Variants in ZNF483 observed in about 807,000 individuals in gnomAD.
ZNF483 encodes the protein zinc finger protein HIT-10.
Under a neutral mutation model 28.6 loss-of-function variants are expected in ZNF483, and 9 were observed. That is an observed-to-expected ratio of 0.32 (90% CI 0.19 to 0.55). The LOEUF is 0.55. ZNF483 is among the 20% of genes least tolerant of loss of function. The probability of loss-of-function intolerance (pLI) is 0.93; values close to 1 mark genes in which losing one functional copy is unlikely to be tolerated. For synonymous variants in ZNF483, 322 were observed against 306.2 expected, an observed-to-expected ratio of 1.05 and a Z score of -0.54; for missense variants, 675 against 871.7, an observed-to-expected ratio of 0.77 and a Z score of 2.84.
At chr9:111,570,607 T>A (rs1396623292) in intron 5 of ZNF483, among the ~76,000 whole-genome samples, 2 of 149,306 alleles carry the variant, frequency 1.3e-5, no homozygotes, top group Admixed American at 6.7e-5. Context: ...CCGTCTCTTC[T>A]AAAAATTAAA....
intron 5 of ZNF483, chr9:111,563,500 T>A: frequency 3.7e-6 from 1 of 270,612 alleles, no homozygotes; most frequent in Non-Finnish European, 6.9e-6. Flanking sequence ...AAGCAATCTC[T>A]TTTTCTTTCT....
downstream of ZNF483, among the ~76,000 whole-genome samples, chr9:111,558,264 TATC>T (rs1385600097): frequency 6.6e-6 from 1 of 152,236 alleles, no homozygotes; most frequent in Non-Finnish European, 1.5e-5. Context: ...AATCTGTAAT[TATC>T]ATTATCTACA....
Position 111,576,322 on chromosome 9 carries a change from A to G in ZNF483, c.722-43A>G, listed in dbSNP as rs577995012. 2.1e-5 allele frequency: 34 copies of G among 1,604,658 alleles called. No homozygotes were observed. The African/African-American group carries it at 2.8e-4, about 13-fold the overall frequency. On this transcript the variant is annotated intron_variant, in intron 5 of 5. Coordinates refer to the ZNF483 transcript ENST00000358151. ...ACTACTTGCTAAAATTTTATTTGTAACCTCAAACCAGTACTCACTAAGCTT... is the reference window on the plus strand; with the variant it reads ...ACTACTTGCTAAAATTTTATTTGTAGCCTCAAACCAGTACTCACTAAGCTT...
chr9:111,557,517 C>T (rs989539983), downstream of ZNF483, among the ~76,000 whole-genome samples: 7 of 151,902 alleles, frequency 4.6e-5, no homozygotes, highest in Non-Finnish European at 8.8e-5. Context: ...GTGATCTCAG[C>T]TCTCTGCAAC....
chr9:111,537,461 C>T (rs1000941828), intron 5 of ZNF483, among the ~76,000 whole-genome samples: 2 of 152,144 alleles, frequency 1.3e-5, no homozygotes, highest in African/African-American at 4.8e-5. Context: ...GATCTTCCTG[C>T]CTTGGCTTCC....
At chr9:111,536,329 C>T (rs1465898128) in intron 5 of ZNF483, among the ~76,000 whole-genome samples, 3 of 151,718 alleles carry the variant, frequency 2.0e-5, no homozygotes, top group Admixed American at 6.6e-5. Context: ...ACCATCCTGA[C>T]TAACACGGTG....
chr9:111,565,056 G>A (rs1275420994), intron 5 of ZNF483, among the ~76,000 whole-genome samples: 7 of 152,086 alleles, frequency 4.6e-5, no homozygotes, highest in African/African-American at 1.4e-4. Context: ...CCCGGCAGGC[G>A]GAGGTTGCAG....
chr9:111,569,018 T>C (rs1828696035), intron 5 of ZNF483, among the ~76,000 whole-genome samples: 2 of 152,216 alleles, frequency 1.3e-5, no homozygotes, highest in East Asian at 1.9e-4. Flanking sequence ...ACTAGAAGTA[T>C]AGAATTGTTA....
intron 5 of ZNF483, among the ~76,000 whole-genome samples, chr9:111,574,004 A>G (rs1828947549): frequency 6.6e-6 from 1 of 152,166 alleles, no homozygotes; most frequent in African/African-American, 2.4e-5. Flanking sequence ...AAGACGCCCT[A>G]CTGCTCCAAG....
intron 2 of ZNF483, 97 bp from the exon 3 acceptor site, chr9:111,530,778 T>TACACAC (rs1396432495): frequency 3.9e-5 from 2 of 51,884 alleles, no homozygotes; most frequent in African/African-American, 2.0e-4. Flanking sequence ...TATATATATA[T>TACACAC]ATATATATAT....
intron 2 of ZNF483, 59 bp from the exon 3 acceptor site, chr9:111,530,816 A>T (rs75455474): frequency 0.015 from 2,708 of 181,890 alleles, 69 homozygotes; most frequent in East Asian, 0.032. Context: ...TATATATATA[A>T]GATTTTTAGT....
rs1217619858 is a variant in ZNF483, at chr9:111,546,056, T to C, written c.*2886T>C. 6.6e-6 allele frequency among the ~76,000 whole-genome samples: 1 copy of C among 152,214 alleles called. No individual in the cohort carries two copies. The highest frequency in any genetic ancestry group is 1.5e-5 in the Non-Finnish European group (1 of 68,010). On this transcript the variant is annotated 3_prime_UTR_variant, in exon 6 of 6. Coordinates refer to ENST00000309235, the MANE Select transcript of ZNF483 (RefSeq NM_133464.5). ...GGGGCTTCCCATTTCTCTACAGTCT[T>C]GCCAGTCATTGTTGTCTGTTTTTTA... is the stretch of plus-strand genomic sequence containing the variant.
At chr9:111,560,084 G>A (rs1828230149), downstream of ZNF483, among the ~76,000 whole-genome samples, 1 of 150,284 alleles carries the variant, frequency 6.7e-6, no homozygotes, top group Non-Finnish European at 1.5e-5. Context: ...GCCTCCCAAA[G>A]TGCCTCATCC....
downstream of ZNF483, among the ~76,000 whole-genome samples, chr9:111,578,107 G>A (rs73535463): frequency 0.069 from 10,564 of 152,076 alleles, 427 homozygotes; most frequent in African/African-American, 0.099. Context: ...GTACATGAAT[G>A]ATATCTCAAT....
intron 5 of ZNF483, chr9:111,570,073 G>A: frequency 1.2e-6 from 2 of 1,613,888 alleles, no homozygotes. Context: ...TGGAAGGGGT[G>A]GCTCCGGAGC....
chr9:111,543,765 C>A lies in ZNF483; in HGVS notation c.*595C>A. On this transcript the variant is annotated 3_prime_UTR_variant, in exon 6 of 6. Transcript: ENST00000309235. ...CTATTCAGGATGCTGGACTTCTTTT[C>A]TTTTTTTTTTCTTTTTTTTTTTTCA... 17 of 751,682 alleles carry A rather than the reference C, an allele frequency of 2.3e-5. No homozygotes were observed. The highest frequency in any genetic ancestry group is 6.7e-5 in the South Asian group (1 of 14,986). The allele number at this position is 751,682 out of a possible 1,614,324, so 46.6% of individuals were successfully genotyped here.
At chr9:111,560,473 C>CA (rs752283590) in intron 5 of ZNF483, among the ~76,000 whole-genome samples, 32,527 of 93,998 alleles carry the variant, frequency 0.35, 6,043 homozygotes, top group Non-Finnish European at 0.43. Context: ...GACTCCATCT[C>CA]AAAAAAAAAA....
At chr9:111,525,505 G>GTT (rs55707455) in intron 1 of ZNF483, among the ~76,000 whole-genome samples, 1 of 151,532 alleles carries the variant, frequency 6.6e-6, no homozygotes, top group Non-Finnish European at 1.5e-5. Context: ...TTTTGTTTGT[G>GTT]GTGTGGCGGT....
At chr9:111,525,313 C>T (rs941845508) in intron 1 of ZNF483, 51 bp downstream of exon 1, 2 of 152,276 alleles carry the variant, frequency 1.3e-5, no homozygotes, top group Non-Finnish European at 2.9e-5. Context: ...GGGTCGCCGG[C>T]TCCGAGGGCG....
Sources: allele counts gnomAD v4.1 joint callset (sites outside exome capture counted in the v4.1 genomes callset), GRCh38; gene constraint gnomAD v4.1.1; transcripts MANE v1.5; gene names NCBI Gene and HGNC (gene_info 2026-07-23, HGNC 2026-07-21).